The following ATF6 variants were observed in gnomAD, a reference collection of about 807,000 sequenced individuals.
The protein encoded by ATF6 is cyclic AMP-dependent transcription factor ATF-6 alpha.
In ATF6, 53 loss-of-function variants were observed where a neutral mutation model predicts 83.6. The observed-to-expected ratio is 0.63, with a 90% CI of 0.51 to 0.80. The LOEUF (loss-of-function observed/expected upper bound fraction) is 0.80, where lower values mean the gene tolerates loss of function less well. Among genes scored for constraint, ATF6 ranks in the 30% least tolerant of loss-of-function variants. The pLI is 0.00. For missense variants in ATF6, 744 were observed against 797.9 expected, an observed-to-expected ratio of 0.93 and a Z score of 0.81; for synonymous variants, 288 against 285.8, an observed-to-expected ratio of 1.01 and a Z score of -0.08.
chr1:161,779,059 C>G (rs748399908), intron 2 of ATF6, among the ~76,000 whole-genome samples: 1 of 152,084 alleles, frequency 6.6e-6, no homozygotes, highest in Non-Finnish European at 1.5e-5. Context: ...ATTTCTTAAA[C>G]AATGATTTAG....
intron 9 of ATF6, among the ~76,000 whole-genome samples, chr1:161,829,472 A>G (rs1685992656): frequency 6.6e-6 from 1 of 152,030 alleles, no homozygotes. Flanking sequence ...TCAGCACCAC[A>G]TCGCACTTAT....
intron 9 of ATF6, among the ~76,000 whole-genome samples, chr1:161,830,537 A>G (rs1686027121): frequency 6.6e-6 from 1 of 152,318 alleles, no homozygotes; most frequent in Non-Finnish European, 1.5e-5. Flanking sequence ...ATGCTACCTG[A>G]CTTCAAACTA....
rs746887984 is a variant in ATF6, at chr1:161,821,100, C to G, written c.1126C>G (p.Arg376Gly). The part of the protein sequence containing the change: ...NQRLKVPSPK[R>G]RVVCVMIVLA... The stretch of plus-strand genomic sequence containing the variant: ...GAGGCTTAAAGTCCCTAGTCCAAAG[C>G]GAAGAGTTGTCTGTGTGATGATAGT... The change falls in exon 9 of 16, where the codon CGA (arginine) becomes GGA (glycine). Residue 376 changes from arginine (R) to glycine (G), a missense_variant. Physicochemically the swap from Arg to Gly is moderately radical, Grantham distance 125 (BLOSUM62 -2). Transcript: ENST00000367942. 5.6e-6 allele frequency: 9 copies of G among 1,612,804 alleles called. No homozygotes were observed. In the South Asian group the frequency reaches 8.8e-5, roughly 16 times the overall value.
intron 14 of ATF6, among the ~76,000 whole-genome samples, chr1:161,894,139 C>T (rs1209217930): frequency 1.3e-5 from 2 of 151,526 alleles, no homozygotes; most frequent in Non-Finnish European, 2.9e-5. Flanking sequence ...AATATGGTAT[C>T]CAATGTGAAT....
chr1:161,768,999 A>T (rs1233068678), intron 1 of ATF6, among the ~76,000 whole-genome samples: 2 of 152,224 alleles, frequency 1.3e-5, no homozygotes, highest in African/African-American at 4.8e-5. Flanking sequence ...CCTGTGAGGG[A>T]TGTGCTTTCC....
chr1:161,808,151 A>G (rs1262651446), intron 7 of ATF6, among the ~76,000 whole-genome samples: 2 of 151,992 alleles, frequency 1.3e-5, no homozygotes, highest in Non-Finnish European at 2.9e-5. Context: ...AAGTGCTGGG[A>G]TTATAGGCAT....
rs35619050 is a variant in ATF6 at position 161,829,189 on chromosome 1, C to CTTTTTTTT, written c.1187+8046_1187+8053dup. ...ACTCCCACACAATCATAATGGGAGA[C>CTTTTTTTT]TTTTTTTTTTTTTTTTTTTTTTTTT... On this transcript the variant is annotated intron_variant, in intron 9 of 15. Coordinates refer to ENST00000367942, the MANE Select transcript of ATF6 (RefSeq NM_007348.4). Among the ~76,000 whole-genome samples the CTTTTTTTT allele has an allele frequency of 4.7e-4, 34 of 72,596 alleles. 3 individuals are homozygous for CTTTTTTTT. The East Asian group carries it at 6.8e-3, about 15-fold the overall frequency. 47.6% of individuals were successfully genotyped at this position (72,596 alleles called of 152,430 possible).
At chr1:161,830,990 C>A (rs1222659127) in intron 9 of ATF6, among the ~76,000 whole-genome samples, 1 of 152,164 alleles carries the variant, frequency 6.6e-6, no homozygotes, top group Admixed American at 6.6e-5. Context: ...GCAAAAGAAA[C>A]TACCGTCAGA....
chr1:161,956,112 C>T (rs532086994), intron 15 of ATF6, among the ~76,000 whole-genome samples: 1 of 152,280 alleles, frequency 6.6e-6, no homozygotes, highest in Admixed American at 6.5e-5. Context: ...ATAACAGGCA[C>T]GTGGGCTCTA....
At chr1:161,881,819 G>A (rs1373410417) in intron 14 of ATF6, among the ~76,000 whole-genome samples, 1 of 151,996 alleles carries the variant, frequency 6.6e-6, no homozygotes, top group Non-Finnish European at 1.5e-5. Flanking sequence ...TTTATGGACT[G>A]TGTTTTTATG....
intron 15 of ATF6, among the ~76,000 whole-genome samples, chr1:161,931,182 A>G (rs1445971105): frequency 3.3e-5 from 5 of 152,214 alleles, no homozygotes; most frequent in Admixed American, 2.0e-4. Context: ...GCTGGTTCCA[A>G]GAAATTCTAA....
chr1:161,898,906 G>A (rs1687729792), intron 14 of ATF6, among the ~76,000 whole-genome samples: 1 of 152,132 alleles, frequency 6.6e-6, no homozygotes, highest in South Asian at 2.1e-4. Flanking sequence ...ATAGTGTAGG[G>A]TTTTTTATTC....
At chr1:161,820,548 C>G (rs1172829782) in intron 8 of ATF6, among the ~76,000 whole-genome samples, 1 of 152,122 alleles carries the variant, frequency 6.6e-6, no homozygotes, top group Admixed American at 6.5e-5. Context: ...GTCAGGAGAT[C>G]AAGACCATCC....
At chr1:161,851,456 A>G (rs1466353452) in intron 10 of ATF6, among the ~76,000 whole-genome samples, 2 of 152,190 alleles carry the variant, frequency 1.3e-5, no homozygotes, top group African/African-American at 2.4e-5. Context: ...ATGATGAACC[A>G]TGTGTTATTG....
At chr1:161,792,678 A>G (rs1320580193) in intron 6 of ATF6, among the ~76,000 whole-genome samples, 1 of 152,320 alleles carries the variant, frequency 6.6e-6, no homozygotes, top group East Asian at 1.9e-4. Context: ...TTTTGAAGGA[A>G]TATTTAAAAT....
intron 12 of ATF6, among the ~76,000 whole-genome samples, chr1:161,855,535 G>A (rs1470321615): frequency 6.6e-6 from 1 of 152,144 alleles, no homozygotes; most frequent in East Asian, 1.9e-4. Context: ...GAGAGAGGTT[G>A]AAACTGGAAG....
chr1:161,923,188 C>G (rs1308992742), intron 15 of ATF6, among the ~76,000 whole-genome samples: 6 of 152,162 alleles, frequency 3.9e-5, no homozygotes, highest in Non-Finnish European at 5.9e-5. Context: ...TTATCTAACA[C>G]TACTCAAAGA....
intron 14 of ATF6, chr1:161,891,489 A>C (rs532714127): frequency 6.6e-6 from 1 of 152,274 alleles, no homozygotes; most frequent in African/African-American, 2.4e-5. Context: ...GTTGGTATCC[A>C]AGATAGTGAA....
At chr1:161,937,087 A>G (rs1688549578) in intron 15 of ATF6, among the ~76,000 whole-genome samples, 1 of 152,042 alleles carries the variant, frequency 6.6e-6, no homozygotes, top group African/African-American at 2.4e-5. Context: ...GATTCCTAAC[A>G]TTTTCTGTAT....
Sources: gnomAD v4.1 joint callset for allele counts (sites outside exome capture counted in the v4.1 genomes callset) on GRCh38, gnomAD v4.1.1 for gene constraint, MANE v1.5 for transcripts, NCBI Gene and HGNC (gene_info 2026-07-23, HGNC 2026-07-21) for gene names.